The following PTPRU variants were observed in gnomAD, a reference collection of about 807,000 sequenced individuals.
The protein encoded by PTPRU is protein tyrosine phosphatase receptor type U, also known as receptor-type tyrosine-protein phosphatase U.
PTPRU carries 69 observed loss-of-function variants against 166.3 expected under a neutral mutation model. The ratio of observed to expected loss-of-function variants is 0.41; its 90% CI spans 0.34 to 0.51. PTPRU has a LOEUF of 0.51. PTPRU is among the 20% of genes least tolerant of loss of function. The pLI is 0.09. For missense variants in PTPRU, 1,657 were observed against 2,013.7 expected (o/e 0.82, Z 3.39); for synonymous variants, 793 against 814.0 (o/e 0.97, Z 0.44).
rs2151966577 is a variant in PTPRU at position 29,311,374 on chromosome 1, GTGGTGCTGGA to G, written c.2858-69_2858-60del. ...CTCAGGAGGCCTCCTGGCCTGGGGT[GTGGTGCTGGA>G]TGGTGCTGGATGTGCTGACCTGGGG... is the stretch of plus-strand genomic sequence containing the variant. On this transcript the variant is annotated intron_variant, in intron 19 of 29. Coordinates refer to ENST00000373779, the MANE Select transcript of PTPRU (RefSeq NM_133178.4). The surrounding 1 kb of genome is among the most constrained non-coding windows in gnomAD (Gnocchi z 4.1). 2.9e-6 allele frequency: 4 copies of G among 1,383,266 alleles called. No homozygotes were observed. The highest frequency in any genetic ancestry group is 2.3e-5 in the East Asian group (1 of 43,036). The allele number at this position is 1,383,266 out of a possible 1,614,324, so 85.7% of individuals were successfully genotyped here.
At position 29,238,653 on chromosome 1, in the gene PTPRU, C is replaced by T. The variant is rs1327187063; in HGVS notation, c.73+1936C>T. Among the ~76,000 whole-genome samples the T allele has an allele frequency of 3.9e-5, 6 of 152,226 alleles. No homozygotes were observed. Among genetic ancestry groups the T allele is most frequent in the East Asian group, 1.9e-4 (1 of 5,182 alleles). On this transcript the variant is annotated intron_variant, in intron 1 of 29. Coordinates refer to ENST00000373779, the MANE Select transcript of PTPRU (RefSeq NM_133178.4). This position sits in a 1 kb window ranked among gnomAD's most constrained non-coding sequence, Gnocchi z 6.1. ...GCTTTAGCTTTGACCTCCCCGTTCC[C>T]GAAAGGACGCCCAAGGCGACCTCCC...
chr1:29,270,050 C>A (rs1199935731), intron 7 of PTPRU, among the ~76,000 whole-genome samples: 2 of 152,160 alleles, frequency 1.3e-5, no homozygotes, highest in African/African-American at 4.8e-5. Flanking sequence ...CTTCTCCCCC[C>A]ACCCTGAGTT....
chr1:29,294,012 T>G (rs980487333), intron 15 of PTPRU, among the ~76,000 whole-genome samples: 1 of 152,190 alleles, frequency 6.6e-6, no homozygotes, highest in African/African-American at 2.4e-5. Flanking sequence ...ATTCGATTGG[T>G]TTTTAGTTTT....
At chr1:29,261,415 A>G (rs901594557) in intron 7 of PTPRU, among the ~76,000 whole-genome samples, 1 of 152,236 alleles carries the variant, frequency 6.6e-6, no homozygotes, top group Non-Finnish European at 1.5e-5. Flanking sequence ...TAAAAAGGGC[A>G]AAGCAGCTGT....
intron 28 of PTPRU, among the ~76,000 whole-genome samples, chr1:29,324,135 CAT>C (rs1024396841): frequency 2.6e-5 from 4 of 152,358 alleles, no homozygotes; most frequent in Admixed American, 6.5e-5. Flanking sequence ...TGCATGCACA[CAT>C]GTGACTTTTT....
chr1:29,265,799 A>G (rs1004792669), intron 7 of PTPRU, among the ~76,000 whole-genome samples: 10 of 152,108 alleles, frequency 6.6e-5, no homozygotes, highest in African/African-American at 2.4e-4. Flanking sequence ...TTTTTTGTAC[A>G]TTCTAGGTAC....
intron 11 of PTPRU, 147 bp from the exon 12 acceptor site, chr1:29,282,529 A>T: frequency 9.1e-7 from 1 of 1,093,830 alleles, no homozygotes; most frequent in Non-Finnish European, 1.3e-6. Flanking sequence ...CAGGGAGGTT[A>T]GGGGACTTGC....
intron 7 of PTPRU, among the ~76,000 whole-genome samples, chr1:29,266,010 GTTTTTTTTTT>G (rs34163524): frequency 1.5e-4 from 12 of 79,200 alleles, no homozygotes; most frequent in Admixed American, 3.6e-4. Context: ...TTTCTCCTGG[GTTTTTTTTTT>G]TTTTTTTTTT....
At chr1:29,259,227 A>G in intron 3 of PTPRU, 34 bp from the exon 4 acceptor site, 1 of 1,586,894 alleles carries the variant, frequency 6.3e-7, no homozygotes, top group Non-Finnish European at 8.6e-7. Context: ...CTGGAGGAAT[A>G]TCAGTATGAT....
intron 18 of PTPRU, among the ~76,000 whole-genome samples, chr1:29,308,599 T>TG (rs1243484186): frequency 6.9e-6 from 1 of 144,408 alleles, no homozygotes; most frequent in Admixed American, 6.9e-5. Context: ...GAGAGAGAGA[T>TG]GGGGTCTCAC....
chr1:29,325,782 G>T lies in PTPRU; in HGVS notation c.*121G>T, dbSNP rs1329155385. The T allele has an allele frequency of 1.1e-5, 12 of 1,112,472 alleles. No homozygotes were observed. The Admixed American group carries it at 1.6e-4, about 15-fold the overall frequency. 68.9% of individuals were successfully genotyped at this position (1,112,472 alleles called of 1,614,324 possible). ...ACACTCCCATGGGGCAAGCACTGGA[G>T]TGGATGCTGGGCTATCTTGCTCCCC... On this transcript the variant is annotated 3_prime_UTR_variant, in exon 30 of 30. Transcript: ENST00000373779.
intron 3 of PTPRU, 80 bp from the exon 4 acceptor site, chr1:29,259,181 A>T: frequency 7.0e-7 from 1 of 1,435,324 alleles, no homozygotes; most frequent in Non-Finnish European, 9.6e-7. Context: ...GAGGAGGCTG[A>T]GGCCGAGCTG....
At position 29,297,983 on chromosome 1, in the gene PTPRU, C is replaced by T. The variant is rs144556031; in HGVS notation, c.2477-5872C>T. Among the ~76,000 whole-genome samples, 207 of 152,114 alleles carry T rather than the reference C, an allele frequency of 1.4e-3. 1 individual carries two copies. Among genetic ancestry groups the T allele is most frequent in the African/African-American group, 4.4e-3 (182 of 41,520 alleles). On this transcript the variant is annotated intron_variant, in intron 15 of 29. Transcript: ENST00000373779. ...GGTTGGAAACTCAAAAGGTGCTAGGCGCGGTGGCTCACACCTGTAATCCCA... is the reference window on the plus strand; with the variant it reads ...GGTTGGAAACTCAAAAGGTGCTAGGTGCGGTGGCTCACACCTGTAATCCCA...
intron 7 of PTPRU, among the ~76,000 whole-genome samples, chr1:29,264,037 T>C (rs1685181548): frequency 6.6e-6 from 1 of 151,808 alleles, no homozygotes; most frequent in African/African-American, 2.4e-5. Context: ...ATTAGCCAGG[T>C]GTGGTGGTGG....
Position 29,279,066 on chromosome 1 carries a change from T to C in PTPRU, c.1508T>C (p.Ile503Thr). ...ACCTTCACTCCACTGGAGGACATGATCTTCCTCAAGTGGGAGGAGCCCCAG... is the reference window on the plus strand; with the variant it reads ...ACCTTCACTCCACTGGAGGACATGACCTTCCTCAAGTGGGAGGAGCCCCAG... Reference protein sequence around the residue: ...SLTFTPLEDMIFLKWEEPQEP... With the variant: ...SLTFTPLEDMTFLKWEEPQEP... The change falls in exon 9 of 30, where the codon ATC (isoleucine) becomes ACC (threonine). Residue 503 changes from isoleucine to threonine, a missense_variant. This residue lies in a region of PTPRU where 1,190 missense variants were observed against 1,477.4 expected (regional missense o/e 0.81). Transcript: ENST00000373779. The surrounding 1 kb of genome is among the most constrained non-coding windows in gnomAD (Gnocchi z 5.2). 6.3e-7 allele frequency: 1 copy of C among 1,593,328 alleles called. No individual in the cohort carries two copies. Among genetic ancestry groups the C allele is most frequent in the Non-Finnish European group, 8.6e-7 (1 of 1,169,460 alleles).
At chr1:29,248,724 A>T (rs1229859800) in intron 1 of PTPRU, among the ~76,000 whole-genome samples, 1 of 152,102 alleles carries the variant, frequency 6.6e-6, no homozygotes, top group African/African-American at 2.4e-5. Context: ...TCACACTGAC[A>T]CATACACGTA....
At position 29,280,264 on chromosome 1, in the gene PTPRU, T is replaced by G. The variant is rs927524688; in HGVS notation, c.1868+123T>G. On this transcript the variant is annotated intron_variant, in intron 11 of 29. Coordinates refer to ENST00000373779, the MANE Select transcript of PTPRU (RefSeq NM_133178.4). The surrounding 1 kb of genome is among the most constrained non-coding windows in gnomAD (Gnocchi z 4.2). ...CTCCCTCAGTCTCCCACGCAGGGCT[T>G]GGAGTGTCTGGAGGAGATTGTTCTG... The G allele has an allele frequency of 1.2e-5, 11 of 919,172 alleles. No individual in the cohort carries two copies. Among genetic ancestry groups the G allele is most frequent in the African/African-American group, 1.7e-5 (1 of 60,082 alleles). 56.9% of individuals were successfully genotyped at this position (919,172 alleles called of 1,614,324 possible). A position where few individuals can be genotyped will look rare whatever the true frequency, so the allele number is the denominator to read the frequency against.
intron 8 of PTPRU, among the ~76,000 whole-genome samples, chr1:29,276,803 CCTTT>C (rs1685826072): frequency 6.6e-6 from 1 of 151,844 alleles, no homozygotes; most frequent in South Asian, 2.1e-4. Context: ...TTTTTTATTT[CCTTT>C]GTTATACTTT....
intron 15 of PTPRU, among the ~76,000 whole-genome samples, chr1:29,295,292 G>A (rs1372261422): frequency 4.0e-5 from 6 of 151,696 alleles, no homozygotes; most frequent in East Asian, 1.9e-4. Flanking sequence ...TGATCTGCCC[G>A]CCTCAGCCTC....
Sources: gnomAD v4.1 joint callset for allele counts (sites outside exome capture counted in the v4.1 genomes callset) on GRCh38, gnomAD v4.1.1 for gene constraint, gnomAD v4.1.1 regional missense constraint, Gnocchi (gnomAD v3.1) non-coding constraint, MANE v1.5 for transcripts, NCBI Gene and HGNC (gene_info 2026-07-23, HGNC 2026-07-21) for gene names.